RRAGD: variants seen among roughly 807,000 people sequenced by gnomAD.
The protein encoded by RRAGD is ras-related GTP-binding protein D.
In RRAGD, 12 loss-of-function variants were observed where a neutral mutation model predicts 35.5. That is an observed-to-expected ratio of 0.34 (90% CI 0.22 to 0.55). The LOEUF (loss-of-function observed/expected upper bound fraction) is 0.55. RRAGD is among the 20% of genes least tolerant of loss of function. RRAGD has a pLI of 0.91. For missense variants in RRAGD, 324 were observed against 490.1 expected (o/e 0.66, Z 3.20); for synonymous variants, 155 against 178.9 (o/e 0.87, Z 1.07).
chr6:89,411,718 C>A lies in RRAGD; in HGVS notation c.148+128G>T. 8 of 1,041,616 alleles carry A rather than the reference C, an allele frequency of 7.7e-6. No individual in the cohort carries two copies. Among genetic ancestry groups the A allele is most frequent in the East Asian group, 2.9e-5 (1 of 34,232 alleles). The allele number at this position is 1,041,616 out of a possible 1,614,324, so 64.5% of individuals were successfully genotyped here. A position where few individuals can be genotyped will look rare whatever the true frequency, so the allele number is the denominator to read the frequency against. On this transcript the variant is annotated intron_variant, in intron 1 of 6. Coordinates refer to ENST00000369415, the MANE Select transcript of RRAGD (RefSeq NM_021244.5). This position sits in a 1 kb window ranked among gnomAD's most constrained non-coding sequence, Gnocchi z 5.6. ...TTTTGGCGTCCCTCCCCACCCCAAA[C>A]CCTCAACTGGACCCGCTCCCCTGGA... is the stretch of plus-strand genomic sequence containing the variant.
At chr6:89,406,062 T>G (rs1469394827) in intron 1 of RRAGD, among the ~76,000 whole-genome samples, 1 of 152,252 alleles carries the variant, frequency 6.6e-6, no homozygotes, top group Admixed American at 6.5e-5. Context: ...GGTGATTCTT[T>G]TATTTAGCGT....
chr6:89,391,848 T>A (rs1769240017), intron 1 of RRAGD, among the ~76,000 whole-genome samples: 1 of 150,910 alleles, frequency 6.6e-6, no homozygotes, highest in Non-Finnish European at 1.5e-5. Context: ...TCCCAGCTAC[T>A]CTAAGAGCTG....
Position 89,365,155 on chromosome 6 carries a change from T to C in RRAGD, c.*2901A>G, listed in dbSNP as rs946853977. 4.6e-5 allele frequency: 7 copies of C among 152,240 alleles called. No homozygotes were observed. The highest frequency in any genetic ancestry group is 1.3e-4 in the Admixed American group (2 of 15,288). 9.4% of individuals were successfully genotyped at this position (152,240 alleles called of 1,614,324 possible). A position where few individuals can be genotyped will look rare whatever the true frequency, so the allele number is the denominator to read the frequency against. On this transcript the variant is annotated 3_prime_UTR_variant, in exon 7 of 7. Transcript: ENST00000369415. ...CAAAATATGTTCACAAAAGAACAGT[T>C]TGTGAATGTCAACCAGTTTTTGCTT...
intron 6 of RRAGD, among the ~76,000 whole-genome samples, chr6:89,370,668 AAAC>A (rs1482289957): frequency 6.6e-6 from 1 of 152,204 alleles, no homozygotes; most frequent in African/African-American, 2.4e-5. Flanking sequence ...TAAAATCTAG[AAAC>A]AACATAGATG....
Position 89,411,893 on chromosome 6 carries a change from C to G in RRAGD, c.101G>C (p.Gly34Ala), listed in dbSNP as rs112998985. Residue 34 changes from glycine to alanine, a missense_variant, in exon 1 of 7, where the codon GGG (glycine) becomes GCG (alanine). By Grantham distance (60) the Gly-to-Ala change is moderately conservative (BLOSUM62 0). Coordinates refer to ENST00000369415, the MANE Select transcript of RRAGD (RefSeq NM_021244.5). The surrounding 1 kb of genome is among the most constrained non-coding windows in gnomAD (Gnocchi z 5.6). ...CGGATCGGCGTCGGAGGAGTCGGGC[C>G]CGTCTCCGTAGTCCGCTAGCCCCAC... is the stretch of plus-strand genomic sequence containing the variant. ...ELVGLADYGD[G>A]PDSSDADPDS... The G allele has an allele frequency of 5.8e-6, 9 of 1,546,744 alleles. No homozygotes were observed. The highest frequency in any genetic ancestry group is 7.8e-6 in the Non-Finnish European group (9 of 1,148,444).
In RRAGD at chr6:89,389,026, C is replaced by G. The variant is rs536895804; in HGVS notation, c.149-1436G>C. 4.6e-5 allele frequency among the ~76,000 whole-genome samples: 7 copies of G among 152,268 alleles called. No homozygotes were observed. The East Asian group carries it at 1.4e-3, about 29-fold the overall frequency. On this transcript the variant is annotated intron_variant, in intron 1 of 6. Transcript: ENST00000369415. ...GAGCAATGGGGAGTGGCTGTAAATA[C>G]AGACGAAACTTCGCTTGCTCCCCCA...
rs1259501384 is a variant in RRAGD at position 89,367,746 on chromosome 6, A to T, written c.*310T>A. Reference sequence around the variant, plus strand: ...AAGTTCAGTTCAATGAGAAACATGAAAAAGTGCAAAATATGTACAATTCCT... The same window carrying T: ...AAGTTCAGTTCAATGAGAAACATGATAAAGTGCAAAATATGTACAATTCCT... On this transcript the variant is annotated 3_prime_UTR_variant, in exon 7 of 7. Coordinates refer to ENST00000369415, the MANE Select transcript of RRAGD (RefSeq NM_021244.5). 2 of 245,894 alleles carry T rather than the reference A, an allele frequency of 8.1e-6. No homozygotes were observed. The highest frequency in any genetic ancestry group is 1.5e-5 in the Non-Finnish European group (2 of 130,222). The allele number at this position is 245,894 out of a possible 1,614,324, so 15.2% of individuals were successfully genotyped here. A position where few individuals can be genotyped will look rare whatever the true frequency, so the allele number is the denominator to read the frequency against.
chr6:89,397,413 C>G (rs1046057170), intron 1 of RRAGD, among the ~76,000 whole-genome samples: 11 of 152,138 alleles, frequency 7.2e-5, no homozygotes, highest in African/African-American at 2.4e-4. Flanking sequence ...AAGTTTTTGT[C>G]CATATAATAA....
rs993027600 is a variant in RRAGD at position 89,401,535 on chromosome 6, C to G, written c.148+10311G>C. 1.4e-4 allele frequency among the ~76,000 whole-genome samples: 22 copies of G among 152,226 alleles called. 1 individual carries two copies. Among genetic ancestry groups the G allele is most frequent in the South Asian group, 6.2e-4 (3 of 4,816 alleles). On this transcript the variant is annotated intron_variant, in intron 1 of 6. Coordinates refer to ENST00000369415, the MANE Select transcript of RRAGD (RefSeq NM_021244.5). ...CCTCCCAAAGTGCTGGGATAACATGCGTGAACCACCTCGCCCGGCCCCCCA... is the reference window on the plus strand; with the variant it reads ...CCTCCCAAAGTGCTGGGATAACATGGGTGAACCACCTCGCCCGGCCCCCCA...
chr6:89,368,353 G>T, intron 6 of RRAGD, 146 bp from the exon 7 acceptor site: 1 of 610,034 alleles, frequency 1.6e-6, no homozygotes, highest in Non-Finnish European at 2.7e-6. Context: ...GATGTCTGCA[G>T]CTGGCCTTCA....
chr6:89,387,918 G>A (rs535986352), intron 1 of RRAGD, among the ~76,000 whole-genome samples: 2 of 152,176 alleles, frequency 1.3e-5, no homozygotes, highest in South Asian at 2.1e-4. Flanking sequence ...ACTCAGGAGC[G>A]TGAAGAGAGA....
At chr6:89,376,475 G>C (rs1183898161) in intron 5 of RRAGD, among the ~76,000 whole-genome samples, 1 of 152,126 alleles carries the variant, frequency 6.6e-6, no homozygotes, top group African/African-American at 2.4e-5. Context: ...CAGGCAGTGA[G>C]TAAAGAGGAA....
chr6:89,370,962 A>C (rs975382285), intron 6 of RRAGD, among the ~76,000 whole-genome samples: 2 of 146,064 alleles, frequency 1.4e-5, no homozygotes, highest in East Asian at 3.9e-4. Flanking sequence ...TTTTCTGATA[A>C]AAATAAACAA....
At chr6:89,383,709 A>G (rs1302010415) in intron 2 of RRAGD, among the ~76,000 whole-genome samples, 1 of 152,186 alleles carries the variant, frequency 6.6e-6, no homozygotes, top group Non-Finnish European at 1.5e-5. Flanking sequence ...ATTTTATGAC[A>G]TTCTGTGAGG....
Position 89,372,462 on chromosome 6 carries a change from G to A in RRAGD, c.1026C>T (p.Val342=), listed in dbSNP as rs1251104995. 5.6e-6 allele frequency: 9 copies of A among 1,613,332 alleles called. No individual in the cohort carries two copies. The highest frequency in any genetic ancestry group is 4.5e-5 in the East Asian group (2 of 44,854). The part of the protein sequence containing the change: ...VTKFLALVCF[V]REESFERKGL... The stretch of plus-strand genomic sequence containing the variant: ...CTTTTCTTTCAAAGCTTTCCTCTCT[G>A]ACAAAGCAAACGAGAGCCAGGAACT... The change falls in exon 6 of 7, where the codon GTC becomes GTT. Residue 342 remains valine (V), a synonymous_variant. Coordinates refer to ENST00000369415, the MANE Select transcript of RRAGD (RefSeq NM_021244.5).
At position 89,377,822 on chromosome 6, in the gene RRAGD, T is replaced by TAA; in HGVS notation, c.760-11_760-10dup. On this transcript the variant is annotated splice_polypyrimidine_tract_variant and intron_variant, in intron 4 of 6. Coordinates refer to ENST00000369415, the MANE Select transcript of RRAGD (RefSeq NM_021244.5). ...TTTTCAATTCCAGAATTCTGAAATT[T>TAA]AAAAAAAAAAGTTGCCTTAAAGCAA... is the stretch of plus-strand genomic sequence containing the variant. The TAA allele has an allele frequency of 1.1e-5, 15 of 1,413,412 alleles. No homozygotes were observed. Among genetic ancestry groups the TAA allele is most frequent in the South Asian group, 4.1e-5 (3 of 74,014 alleles). 87.6% of individuals were successfully genotyped at this position (1,413,412 alleles called of 1,614,324 possible). A position where few individuals can be genotyped will look rare whatever the true frequency, so the allele number is the denominator to read the frequency against.
At chr6:89,372,869 C>T (rs755828912) in intron 5 of RRAGD, among the ~76,000 whole-genome samples, 1 of 152,220 alleles carries the variant, frequency 6.6e-6, no homozygotes, top group Non-Finnish European at 1.5e-5. Context: ...TCCCCACCTC[C>T]GTGGCCAAGG....
chr6:89,393,161 T>C (rs763115555), intron 1 of RRAGD, among the ~76,000 whole-genome samples: 1 of 152,150 alleles, frequency 6.6e-6, no homozygotes, highest in Admixed American at 6.5e-5. Flanking sequence ...TTGTGCATAA[T>C]AAACAAATAG....
chr6:89,408,699 G>A (rs1045857190), intron 1 of RRAGD, among the ~76,000 whole-genome samples: 3 of 152,146 alleles, frequency 2.0e-5, no homozygotes, highest in Non-Finnish European at 2.9e-5. Context: ...AGCAGCTTAC[G>A]TTAGCCAAGT....
Sources: gnomAD v4.1 joint callset for allele counts (sites outside exome capture counted in the v4.1 genomes callset) on GRCh38, gnomAD v4.1.1 for gene constraint, Gnocchi (gnomAD v3.1) non-coding constraint, MANE v1.5 for transcripts, NCBI Gene and HGNC (gene_info 2026-07-23, HGNC 2026-07-21) for gene names.